Variants in FAM13C observed in about 807,000 individuals in gnomAD.
FAM13C encodes protein FAM13C.
FAM13C carries 37 observed loss-of-function variants against 73.2 expected under a neutral mutation model. The ratio of observed to expected loss-of-function variants is 0.51; its 90% CI spans 0.39 to 0.67. FAM13C has a LOEUF of 0.67. Among genes scored for constraint, FAM13C ranks in the 30% least tolerant of loss-of-function variants. The probability of loss-of-function intolerance (pLI) is 0.00; values close to 1 mark genes in which losing one functional copy is unlikely to be tolerated. For missense variants in FAM13C, 589 were observed against 715.6 expected, an observed-to-expected ratio of 0.82 and a Z score of 2.02; for synonymous variants, 246 against 260.9, an observed-to-expected ratio of 0.94 and a Z score of 0.55.
intron 1 of FAM13C, 70 bp downstream of exon 1, chr10:59,362,329 G>GGTAA: frequency 2.5e-6 from 4 of 1,574,240 alleles, no homozygotes; most frequent in Non-Finnish European, 3.5e-6. Flanking sequence ...GAACGGTGGA[G>GGTAA]GATACCTTCA....
At chr10:59,356,060 A>G in intron 1 of FAM13C, 117 bp from the exon 2 acceptor site, 1 of 908,194 alleles carries the variant, frequency 1.1e-6, no homozygotes, top group East Asian at 2.4e-5. Flanking sequence ...AACACTCCCT[A>G]TCATTCTCTC....
intron 4 of FAM13C, 114 bp downstream of exon 4, chr10:59,323,874 G>C: frequency 3.3e-6 from 3 of 905,706 alleles, no homozygotes; most frequent in Non-Finnish European, 1.9e-6. Context: ...CTGACTATAA[G>C]GAATGCCAGC....
intron 6 of FAM13C, among the ~76,000 whole-genome samples, chr10:59,277,109 G>A (rs147449399): frequency 4.1e-4 from 63 of 152,290 alleles, no homozygotes; most frequent in African/African-American, 1.1e-3. Context: ...AATAGTGGCA[G>A]ATGACTTGCA....
At position 59,270,033 on chromosome 10, in the gene FAM13C, G is replaced by T. The variant is rs372255393; in HGVS notation, c.669C>A (p.Ser223Arg). Reference sequence around the variant, plus strand: ...CATCAGTGATGTGATAGAGCAGCCTGCTGGTCCCCACAGAGTGGAGGTCTT... The same window carrying T: ...CATCAGTGATGTGATAGAGCAGCCTTCTGGTCCCCACAGAGTGGAGGTCTT... ...APEDLHSVGT[S>R]RLLYHITDGD... Residue 223 changes from serine (S) to arginine (R), a missense_variant, in exon 7 of 14, where the codon AGC becomes AGA. By Grantham distance (110) the Ser-to-Arg change is moderately radical. Coordinates refer to ENST00000618804, the MANE Select transcript of FAM13C (RefSeq NM_198215.4). The T allele has an allele frequency of 1.3e-4, 209 of 1,613,816 alleles. No homozygotes were observed. Among genetic ancestry groups the T allele is most frequent in the Non-Finnish European group, 1.7e-4 (202 of 1,179,878 alleles).
In FAM13C at chr10:59,352,288, C is replaced by G; in HGVS notation, c.306G>C (p.Arg102Ser). ...CTGCTACCTGACTTTCTCCGTGGCT[C>G]CTCCCGCTCTCCGCTTTGAAGATGG... ...PKSIFKAESG[R>S]SHGESQETEH... Residue 102 changes from arginine (R) to serine (S), a missense_variant, in exon 3 of 14, where the codon AGG becomes AGC. Transcript: ENST00000618804. 6.2e-7 allele frequency: 1 copy of G among 1,613,976 alleles called. No homozygotes were observed. The highest frequency in any genetic ancestry group is 8.5e-7 in the Non-Finnish European group (1 of 1,179,996).
At chr10:59,329,356 T>G (rs1355388682) in intron 3 of FAM13C, among the ~76,000 whole-genome samples, 31 of 42,828 alleles carry the variant, frequency 7.2e-4, no homozygotes, top group African/African-American at 3.0e-3. Context: ...TTTTTTTTTT[T>G]TTTTTTTTTT....
Position 59,262,518 on chromosome 10 carries a change from G to T in FAM13C, c.1152C>A (p.Ser384Arg). Residue 384 changes from serine to arginine, a missense_variant, in exon 10 of 14, where the codon AGC (serine) becomes AGA (arginine). Transcript: ENST00000618804. ...CATCTGGAGTCTCTTCTCCAGAGGA[G>T]CTTGGCTCCGGGCCCGCAGCTTCCG... is the stretch of plus-strand genomic sequence containing the variant. ...GKPEAAGPEP[S>R]SSGEETPDAA... 6.2e-7 allele frequency: 1 copy of T among 1,613,758 alleles called. No individual in the cohort carries two copies. Among genetic ancestry groups the T allele is most frequent in the Non-Finnish European group, 8.5e-7 (1 of 1,179,780 alleles).
chr10:59,293,661 C>T (rs73300134), intron 5 of FAM13C, among the ~76,000 whole-genome samples: 1 of 152,012 alleles, frequency 6.6e-6, no homozygotes. Context: ...AGTTTTATAA[C>T]CTTCAGAAGG....
rs74966188 is a variant in FAM13C, at chr10:59,268,294, A to G, written c.942+259T>C. Among the ~76,000 whole-genome samples, 6 of 152,328 alleles carry G rather than the reference A, an allele frequency of 3.9e-5. No individual in the cohort carries two copies. In the East Asian group the frequency reaches 1.2e-3, roughly 29 times the overall value. ...CCAAATTTTGTTCCTCAGAAAAAAA[A>G]AGGTGAGATCAATAATCAAATAAGT... On this transcript the variant is annotated intron_variant, in intron 8 of 13. Coordinates refer to ENST00000618804, the MANE Select transcript of FAM13C (RefSeq NM_198215.4).
At chr10:59,260,273 G>T (rs1842369201) in intron 10 of FAM13C, among the ~76,000 whole-genome samples, 2 of 152,098 alleles carry the variant, frequency 1.3e-5, no homozygotes, top group African/African-American at 4.8e-5. Flanking sequence ...TCTGTTAAAT[G>T]TAATCACGTC....
At chr10:59,292,774 A>G (rs1272305379) in intron 5 of FAM13C, among the ~76,000 whole-genome samples, 1 of 152,224 alleles carries the variant, frequency 6.6e-6, no homozygotes, top group East Asian at 1.9e-4. Flanking sequence ...TTTGATACAT[A>G]CATAGTGATC....
intron 3 of FAM13C, among the ~76,000 whole-genome samples, chr10:59,329,797 G>C (rs190834360): frequency 8.7e-4 from 132 of 152,174 alleles, no homozygotes; most frequent in Admixed American, 1.8e-3. Flanking sequence ...TTCACTGAGC[G>C]CTTGCTCTGT....
At chr10:59,316,863 C>T (rs1047413121) in intron 4 of FAM13C, among the ~76,000 whole-genome samples, 1 of 151,906 alleles carries the variant, frequency 6.6e-6, no homozygotes, top group African/African-American at 2.4e-5. Context: ...GAATATTAAG[C>T]AGGACAAACA....
At chr10:59,295,409 A>T (rs1435620203) in intron 5 of FAM13C, among the ~76,000 whole-genome samples, 1 of 152,176 alleles carries the variant, frequency 6.6e-6, no homozygotes, top group Non-Finnish European at 1.5e-5. Context: ...AAGGGTGAGG[A>T]GGGGGAGTGT....
rs115222381 is a variant in FAM13C at position 59,313,281 on chromosome 10, G to T, written c.444-10417C>A. On this transcript the variant is annotated intron_variant, in intron 4 of 13. Coordinates refer to ENST00000618804, the MANE Select transcript of FAM13C (RefSeq NM_198215.4). ...TAAGCTAAGCAATAGCCTTCATTTA[G>T]ATTCCTTTCCTTGCCTGAATCAAAC... Among the ~76,000 whole-genome samples the T allele has an allele frequency of 7.4e-3, 1,130 of 152,232 alleles. 18 individuals are homozygous for T. Among genetic ancestry groups the T allele is most frequent in the African/African-American group, 0.026 (1,085 of 41,536 alleles).
intron 5 of FAM13C, among the ~76,000 whole-genome samples, chr10:59,290,581 G>A (rs1846105750): frequency 6.6e-6 from 1 of 152,156 alleles, no homozygotes; most frequent in Non-Finnish European, 1.5e-5. Context: ...CTCAGCTCTA[G>A]TTGTTTCTCG....
intron 10 of FAM13C, among the ~76,000 whole-genome samples, chr10:59,257,203 T>A (rs1248412618): frequency 6.6e-6 from 1 of 152,202 alleles, no homozygotes; most frequent in Non-Finnish European, 1.5e-5. Flanking sequence ...CAATTTGATA[T>A]GATTTGTTTA....
intron 3 of FAM13C, among the ~76,000 whole-genome samples, chr10:59,338,239 G>C (rs1427869262): frequency 6.6e-6 from 1 of 152,092 alleles, no homozygotes; most frequent in African/African-American, 2.4e-5. Flanking sequence ...CAGTGCTCTT[G>C]CCAGTGCATG....
intron 3 of FAM13C, among the ~76,000 whole-genome samples, chr10:59,339,159 C>A (rs746099207): frequency 2.0e-5 from 3 of 152,080 alleles, no homozygotes; most frequent in Non-Finnish European, 4.4e-5. Context: ...TGTAAGGACA[C>A]CAGGCGTTGG....
Sources: allele counts gnomAD v4.1 joint callset (sites outside exome capture counted in the v4.1 genomes callset), GRCh38; gene constraint gnomAD v4.1.1; transcripts MANE v1.5; gene names NCBI Gene and HGNC (gene_info 2026-07-23, HGNC 2026-07-21).